The following KLRF1 variants were observed in gnomAD, a reference collection of about 807,000 sequenced individuals.
The protein encoded by KLRF1 is killer cell lectin like receptor F1, also known as killer cell lectin-like receptor subfamily F member 1.
KLRF1 carries 27 observed loss-of-function variants against 30.7 expected under a neutral mutation model. That is an observed-to-expected ratio of 0.88 (90% CI 0.65 to 1.21). The LOEUF (loss-of-function observed/expected upper bound fraction) is 1.21, where lower values mean the gene tolerates loss of function less well. KLRF1 is among the 50% of genes most tolerant of loss of function. The pLI, the probability that KLRF1 is intolerant of heterozygous loss-of-function variation, is 0.00. For synonymous variants in KLRF1, 92 were observed against 89.3 expected (o/e 1.03, Z -0.17); for missense variants, 246 against 259.3 (o/e 0.95, Z 0.35).
At chr12:9,841,055 A>G (rs967133781) in intron 3 of KLRF1, among the ~76,000 whole-genome samples, 6 of 152,108 alleles carry the variant, frequency 3.9e-5, no homozygotes, top group East Asian at 1.9e-4. Context: ...ACCTAAATGC[A>G]CATCAATAGT....
Position 9,827,590 on chromosome 12 carries a change from A to C in KLRF1, c.46A>C (p.Lys16Gln). 6.2e-7 allele frequency: 1 copy of C among 1,609,102 alleles called. No individual in the cohort carries two copies. Among genetic ancestry groups the C allele is most frequent in the Non-Finnish European group, 8.5e-7 (1 of 1,176,912 alleles). ...RYMTLNVQSK[K>Q]RSSAQTSQLT... ...CATGACATTGAATGTACAGTCAAAG[A>C]AAAGGAGTTCTGCCCAAACATCTCA... The change falls in exon 1 of 6, where the codon AAA (lysine) becomes CAA (glutamine). Residue 16 changes from lysine to glutamine, a missense_variant. Transcript: ENST00000617889.
Position 9,832,357 on chromosome 12 carries a change from A to T in KLRF1, c.127A>T (p.Ile43Leu). Residue 43 changes from isoleucine (I) to leucine (L), a missense_variant, in exon 2 of 6, where the codon ATA becomes TTA. Ile to Leu is a conservative substitution (Grantham distance 5). Transcript: ENST00000617889. ...GCACTGGTATAAAATCTTACTGGGA[A>T]TATCTGGAACCGTGAATGGTATTCT... ...TLHWYKILLG[I>L]SGTVNGILTL... The T allele has an allele frequency of 6.2e-7, 1 of 1,610,012 alleles. No homozygotes were observed. The highest frequency in any genetic ancestry group is 8.5e-7 in the Non-Finnish European group (1 of 1,176,784).
chr12:9,821,514 T>C, the KLRF1 span, among the ~76,000 whole-genome samples: 117,699 of 152,082 alleles, frequency 0.77, 47,499 homozygotes, highest in South Asian at 0.91. Context: ...TTTGGGCCCA[T>C]AGCACAGATA....
chr12:9,801,695 G>A, the KLRF1 span, among the ~76,000 whole-genome samples: 1 of 151,966 alleles, frequency 6.6e-6, no homozygotes, highest in African/African-American at 2.4e-5. Context: ...GAATGGGATT[G>A]TTTGTTTCGT....
At chr12:9,800,713 C>G in the KLRF1 span, among the ~76,000 whole-genome samples, 15 of 151,926 alleles carry the variant, frequency 9.9e-5, no homozygotes, top group East Asian at 2.7e-3. Flanking sequence ...TCAGGTAATT[C>G]ATTTTCTTAT....
Position 9,842,513 on chromosome 12 carries a change from G to A in KLRF1, c.587+80G>A, listed in dbSNP as rs1867726636. On this transcript the variant is annotated intron_variant, in intron 5 of 5. Transcript: ENST00000617889. ...CTCCAGGTTCACCAAATTCAACTCTGAAATAGTTACTGGTACTACAGAATT... is the reference window on the plus strand; with the variant it reads ...CTCCAGGTTCACCAAATTCAACTCTAAAATAGTTACTGGTACTACAGAATT... The A allele has an allele frequency of 3.1e-6, 4 of 1,295,378 alleles. No homozygotes were observed. In the Middle Eastern group the frequency reaches 5.7e-4, roughly 183 times the overall value. The allele number at this position is 1,295,378 out of a possible 1,614,324, so 80.2% of individuals were successfully genotyped here. A position where few individuals can be genotyped will look rare whatever the true frequency, so the allele number is the denominator to read the frequency against.
chr12:9,838,547 G>A (rs1000917012), intron 3 of KLRF1, among the ~76,000 whole-genome samples: 6 of 152,208 alleles, frequency 3.9e-5, no homozygotes, highest in Admixed American at 1.3e-4. Context: ...CGGGCACCAC[G>A]TAGTGGAAAA....
At chr12:9,821,448 A>G in the KLRF1 span, among the ~76,000 whole-genome samples, 1 of 152,108 alleles carries the variant, frequency 6.6e-6, no homozygotes, top group Non-Finnish European at 1.5e-5. Context: ...AGCAAAGTTC[A>G]TCTCCCACAG....
At chr12:9,812,866 A>G in the KLRF1 span, among the ~76,000 whole-genome samples, 1 of 152,210 alleles carries the variant, frequency 6.6e-6, no homozygotes, top group Admixed American at 6.5e-5. Context: ...TTCTCTTTTA[A>G]TGCAGTTTGA....
rs1032236139 is a variant in KLRF1, at chr12:9,837,765, T to C, written c.335-4047T>C. On this transcript the variant is annotated intron_variant, in intron 3 of 5. Transcript: ENST00000617889. ...TAAGTCTTCTTTACTGGCAGTGATATCTACTGCTAAAACAATTCAAGAGTC... is the reference window on the plus strand; with the variant it reads ...TAAGTCTTCTTTACTGGCAGTGATACCTACTGCTAAAACAATTCAAGAGTC... 2.6e-5 allele frequency among the ~76,000 whole-genome samples: 4 copies of C among 152,296 alleles called. No homozygotes were observed. The South Asian group carries it at 6.2e-4, about 24-fold the overall frequency.
At chr12:9,843,978 T>C (rs1455697745) in intron 5 of KLRF1, among the ~76,000 whole-genome samples, 1 of 152,160 alleles carries the variant, frequency 6.6e-6, no homozygotes, top group Non-Finnish European at 1.5e-5. Context: ...ATTTAGGTCA[T>C]GCACAGTTCG....
At chr12:9,813,099 C>A in the KLRF1 span, among the ~76,000 whole-genome samples, 1 of 151,952 alleles carries the variant, frequency 6.6e-6, no homozygotes, top group African/African-American at 2.4e-5. Context: ...TGCTGCCAGT[C>A]TCATGGCATT....
chr12:9,837,785 A>G (rs967970416), intron 3 of KLRF1, among the ~76,000 whole-genome samples: 12 of 152,178 alleles, frequency 7.9e-5, no homozygotes, highest in Non-Finnish European at 1.5e-4. Flanking sequence ...AAACAATTCA[A>G]GAGTCCATAG....
In KLRF1 at chr12:9,834,487, G is replaced by A. The variant is rs375485888; in HGVS notation, c.334+1035G>A. Among the ~76,000 whole-genome samples the A allele has an allele frequency of 1.2e-4, 19 of 152,210 alleles. No homozygotes were observed. The East Asian group carries it at 2.3e-3, about 19-fold the overall frequency. On this transcript the variant is annotated intron_variant, in intron 3 of 5. Transcript: ENST00000617889. The stretch of plus-strand genomic sequence containing the variant: ...TTCTTCGAGCGGGATTAGGTGTGGC[G>A]TGGGAACCTAGAGTGGGAGAGGTCA...
intron 5 of KLRF1, among the ~76,000 whole-genome samples, chr12:9,842,685 T>C (rs577272421): frequency 9.2e-5 from 14 of 152,212 alleles, no homozygotes; most frequent in Admixed American, 9.2e-4. Context: ...ATGAATGCAG[T>C]CTCTTATTTT....
the KLRF1 span, among the ~76,000 whole-genome samples, chr12:9,801,376 C>T: frequency 1.1e-4 from 16 of 152,014 alleles, no homozygotes; most frequent in South Asian, 3.3e-3. Flanking sequence ...AATGGGATTG[C>T]TGGGTCAAAT....
chr12:9,805,560 C>G, the KLRF1 span, among the ~76,000 whole-genome samples: 2 of 151,976 alleles, frequency 1.3e-5, no homozygotes, highest in East Asian at 3.9e-4. Flanking sequence ...AGAATGTTCT[C>G]TCTTGTTATA....
chr12:9,812,021 G>C, the KLRF1 span, among the ~76,000 whole-genome samples: 1 of 152,166 alleles, frequency 6.6e-6, no homozygotes, highest in Admixed American at 6.5e-5. Flanking sequence ...TCCACAAGCT[G>C]TCTGTAACTG....
chr12:9,821,996 C>A, the KLRF1 span, among the ~76,000 whole-genome samples: 3 of 152,206 alleles, frequency 2.0e-5, no homozygotes, highest in Non-Finnish European at 2.9e-5. Flanking sequence ...GTGAATACAT[C>A]CAGAAAAGAA....
Sources: allele counts gnomAD v4.1 joint callset (sites outside exome capture counted in the v4.1 genomes callset), GRCh38; gene constraint gnomAD v4.1.1; transcripts MANE v1.5; gene names NCBI Gene and HGNC (gene_info 2026-07-23, HGNC 2026-07-21).